The following NRIP3 variants were observed in gnomAD, a reference collection of about 807,000 sequenced individuals.
NRIP3 encodes the protein nuclear receptor-interacting protein 3.
A neutral mutation model predicts 29.0 loss-of-function variants in NRIP3; 31 were observed. The observed-to-expected ratio is 1.07, with a 90% CI of 0.80 to 1.44. The LOEUF (loss-of-function observed/expected upper bound fraction) is 1.44. Ranked by LOEUF, NRIP3 falls within the 40% of genes most tolerant of loss-of-function variation. The pLI is 0.00. For synonymous variants in NRIP3, 131 were observed against 118.3 expected, an observed-to-expected ratio of 1.11 and a Z score of -0.70; for missense variants, 314 against 297.9, an observed-to-expected ratio of 1.05 and a Z score of -0.40.
Position 8,983,718 on chromosome 11 carries a change from G to T in NRIP3, c.710+157C>A, listed in dbSNP as rs903315998. ...GATGTGTGCACTACAGAGTTTTGTG[G>T]GGTGATGAACTCTGGGTGTGGGGAA... On this transcript the variant is annotated intron_variant, in intron 6 of 6. Transcript: ENST00000309166. 9.2e-6 allele frequency: 8 copies of T among 871,670 alleles called. No homozygotes were observed. The African/African-American group carries it at 1.2e-4, about 13-fold the overall frequency. 54.0% of individuals were successfully genotyped at this position (871,670 alleles called of 1,614,324 possible). A position where few individuals can be genotyped will look rare whatever the true frequency, so the allele number is the denominator to read the frequency against.
At chr11:9,000,556 T>C (rs1178772725) in intron 1 of NRIP3, among the ~76,000 whole-genome samples, 1 of 152,236 alleles carries the variant, frequency 6.6e-6, no homozygotes, top group Non-Finnish European at 1.5e-5. Context: ...AAAAACTCTA[T>C]TGCCAGACAA....
At chr11:8,985,990 C>T in intron 3 of NRIP3, 140 bp from the exon 4 acceptor site, 1 of 957,160 alleles carries the variant, frequency 1.0e-6, no homozygotes. Context: ...AGCCATCCTA[C>T]ATATGTTGTT....
intron 1 of NRIP3, among the ~76,000 whole-genome samples, chr11:8,996,346 A>G (rs1216147891): frequency 2.3e-5 from 3 of 132,220 alleles, no homozygotes; most frequent in Admixed American, 1.9e-4. Flanking sequence ...CAGTGGCGCA[A>G]TCTTGGCTTG....
At chr11:8,985,597 G>T in intron 4 of NRIP3, 114 bp downstream of exon 4, 2 of 1,359,642 alleles carry the variant, frequency 1.5e-6, no homozygotes, top group Non-Finnish European at 2.0e-6. Context: ...CAAAAAAATG[G>T]GAACCATTTT....
chr11:9,000,541 G>A (rs1409870377), intron 1 of NRIP3, among the ~76,000 whole-genome samples: 3 of 152,124 alleles, frequency 2.0e-5, no homozygotes, highest in South Asian at 4.1e-4. Flanking sequence ...TCATATGTAG[G>A]AAAGAAAAAC....
intron 1 of NRIP3, among the ~76,000 whole-genome samples, chr11:8,990,123 T>A (rs183048197): frequency 2.0e-5 from 3 of 152,332 alleles, no homozygotes; most frequent in African/African-American, 7.2e-5. Flanking sequence ...TTCCAAAAGT[T>A]ATAAAACATA....
intron 4 of NRIP3, 123 bp from the exon 5 acceptor site, chr11:8,984,247 T>C (rs1854472209): frequency 1.5e-6 from 1 of 660,412 alleles, no homozygotes; most frequent in Admixed American, 2.7e-5. Context: ...ATTGAGCATG[T>C]GTTATTTTTT....
At position 8,985,803 on chromosome 11, in the gene NRIP3, G is replaced by A; in HGVS notation, c.470C>T (p.Ser157Phe). The part of the protein sequence containing the change: ...KSHKHEGEKL[S>F]LPRHLKVVGQ... ...CACTACTTTGAGATGCCGGGGTAGA[G>A]AAAGCTTTTCTCCTTCATGCTTGTG... The change falls in exon 4 of 7, where the codon TCT becomes TTT. Residue 157 changes from serine (S) to phenylalanine (F), a missense_variant. Physicochemically the swap from Ser to Phe is radical, Grantham distance 155. Coordinates refer to ENST00000309166, the MANE Select transcript of NRIP3 (RefSeq NM_020645.3). 1 of 1,614,178 alleles carries A rather than the reference G, an allele frequency of 6.2e-7. No homozygotes were observed. Among genetic ancestry groups the A allele is most frequent in the East Asian group, 2.2e-5 (1 of 44,876 alleles).
intron 1 of NRIP3, among the ~76,000 whole-genome samples, chr11:8,999,837 C>A (rs138054021): frequency 1.3e-3 from 194 of 152,316 alleles, no homozygotes; most frequent in African/African-American, 4.4e-3. Context: ...ATAGGCCTTG[C>A]CGGACAACCC....
intron 4 of NRIP3, among the ~76,000 whole-genome samples, chr11:8,984,781 T>C (rs895046060): frequency 1.3e-5 from 2 of 152,190 alleles, no homozygotes; most frequent in Non-Finnish European, 2.9e-5. Context: ...GCTCTCTGTC[T>C]CTAACTAGTT....
At chr11:9,002,596 T>TAA (rs10701323) in intron 1 of NRIP3, among the ~76,000 whole-genome samples, 2,581 of 101,120 alleles carry the variant, frequency 0.026, 87 homozygotes, top group African/African-American at 0.079. Flanking sequence ...GCTGTTAAAT[T>TAA]AAAAAAAAAA....
At chr11:8,988,667 T>C (rs1308158832) in intron 1 of NRIP3, among the ~76,000 whole-genome samples, 1 of 152,230 alleles carries the variant, frequency 6.6e-6, no homozygotes, top group East Asian at 1.9e-4. Context: ...CTCTGTATCT[T>C]CCTAGGTGAC....
At position 9,003,580 on chromosome 11, in the gene NRIP3, G is replaced by T. The variant is rs545272670; in HGVS notation, c.174+182C>A. On this transcript the variant is annotated intron_variant, in intron 1 of 6. Coordinates refer to ENST00000309166, the MANE Select transcript of NRIP3 (RefSeq NM_020645.3). ...GAGCGCAAGCTAGAAAAGCTACGAC[G>T]GAATCCCCACCGAAACCGCAGCAGG... Among the ~76,000 whole-genome samples the T allele has an allele frequency of 2.6e-5, 4 of 152,322 alleles. No individual in the cohort carries two copies. The East Asian group carries it at 7.7e-4, about 29-fold the overall frequency.
At chr11:8,997,370 A>G (rs940202919) in intron 1 of NRIP3, among the ~76,000 whole-genome samples, 1 of 150,082 alleles carries the variant, frequency 6.7e-6, no homozygotes, top group Non-Finnish European at 1.5e-5. Flanking sequence ...AAAAAAAAAA[A>G]AAAAAAAAGA....
At chr11:8,988,741 C>T (rs1854555228) in intron 1 of NRIP3, among the ~76,000 whole-genome samples, 1 of 152,214 alleles carries the variant, frequency 6.6e-6, no homozygotes, top group African/African-American at 2.4e-5. Context: ...TTAGCTAACA[C>T]AGGTATTCAG....
At chr11:8,995,974 C>T (rs1854696067) in intron 1 of NRIP3, among the ~76,000 whole-genome samples, 1 of 152,224 alleles carries the variant, frequency 6.6e-6, no homozygotes, top group African/African-American at 2.4e-5. Context: ...TTAGGTCCCT[C>T]TTATCTTCCA....
intron 1 of NRIP3, among the ~76,000 whole-genome samples, chr11:9,002,592 A>T (rs1316403310): frequency 2.0e-5 from 2 of 98,150 alleles, no homozygotes; most frequent in African/African-American, 3.4e-5. Context: ...TAGAGCTGTT[A>T]AATTAAAAAA....
intron 1 of NRIP3, among the ~76,000 whole-genome samples, chr11:9,003,206 ATT>A (rs922110838): frequency 6.6e-5 from 10 of 152,278 alleles, no homozygotes; most frequent in African/African-American, 1.9e-4. Context: ...AAACCTTCAC[ATT>A]TGGCCCCTTT....
rs555757268 is a variant in NRIP3, at chr11:8,997,433, T to A, written c.174+6329A>T. ...TGCTAGATGGATGCTGCAGATACCCTGGTGGCCATTTAGACATAATTTTTA... is the reference window on the plus strand; with the variant it reads ...TGCTAGATGGATGCTGCAGATACCCAGGTGGCCATTTAGACATAATTTTTA... On this transcript the variant is annotated intron_variant, in intron 1 of 6. Coordinates refer to ENST00000309166, the MANE Select transcript of NRIP3 (RefSeq NM_020645.3). Among the ~76,000 whole-genome samples, 166 of 151,832 alleles carry A rather than the reference T, an allele frequency of 1.1e-3. 2 individuals carry two copies. The highest frequency in any genetic ancestry group is 3.7e-3 in the African/African-American group (155 of 41,390).
Sources: allele counts gnomAD v4.1 joint callset (sites outside exome capture counted in the v4.1 genomes callset), GRCh38; gene constraint gnomAD v4.1.1; transcripts MANE v1.5; gene names NCBI Gene and HGNC (gene_info 2026-07-23, HGNC 2026-07-21).